RANGAP1: variants seen among roughly 807,000 people sequenced by gnomAD.
The protein encoded by RANGAP1 is ran GTPase-activating protein 1.
Under a neutral mutation model 63.5 loss-of-function variants are expected in RANGAP1, and 38 were observed. The ratio of observed to expected loss-of-function variants is 0.60; its 90% CI spans 0.46 to 0.78. The LOEUF is 0.78. Among genes scored for constraint, RANGAP1 ranks in the 30% least tolerant of loss-of-function variants. The pLI is 0.00. For synonymous variants in RANGAP1, 329 were observed against 310.5 expected, an observed-to-expected ratio of 1.06 and a Z score of -0.63; for missense variants, 630 against 740.3, an observed-to-expected ratio of 0.85 and a Z score of 1.73.
intron 2 of RANGAP1, among the ~76,000 whole-genome samples, chr22:41,280,209 C>T (rs1455990794): frequency 1.3e-5 from 2 of 152,214 alleles, no homozygotes; most frequent in African/African-American, 2.4e-5. Flanking sequence ...AAGCAGCCTC[C>T]GACCTGGAGA....
rs781134896 is a variant in RANGAP1, at chr22:41,254,362, C to A, written c.1206G>T (p.Gly402=). The A allele has an allele frequency of 3.2e-5, 51 of 1,614,096 alleles. No homozygotes were observed. Among genetic ancestry groups the A allele is most frequent in the Non-Finnish European group, 4.2e-5 (50 of 1,180,010 alleles). Residue 402 remains glycine (G), a synonymous_variant, in exon 11 of 16, where the codon GGG becomes GGT. Transcript: ENST00000356244. ...AGGGCGTGGCTGACTTCTCTCCCTG[C>A]CCTCGCTGCTGAGGCTCTTCTTCCT... is the stretch of plus-strand genomic sequence containing the variant. ...EEEEEEPQQR[G]QGEKSATPSR... is the part of the protein sequence containing the mutation.
intron 3 of RANGAP1, among the ~76,000 whole-genome samples, chr22:41,270,131 G>A (rs1044875905): frequency 4.0e-5 from 6 of 149,212 alleles, no homozygotes; most frequent in Admixed American, 1.3e-4. Context: ...CACCGTGCCC[G>A]GCCTATTTTA....
In RANGAP1 at chr22:41,286,023, C is replaced by G. The variant is rs1263564261; in HGVS notation, c.-76G>C. On this transcript the variant is annotated 5_prime_UTR_variant, in exon 1 of 16. Transcript: ENST00000356244. The stretch of plus-strand genomic sequence containing the variant: ...GCGCCGCCGCGTGGGGGGAATCGAG[C>G]GCGCGCCTCCGCCCTCTGGGGCGGG... 2 of 152,366 alleles carry G rather than the reference C, an allele frequency of 1.3e-5. No individual in the cohort carries two copies. The highest frequency in any genetic ancestry group is 2.4e-5 in the African/African-American group (1 of 41,466). The allele number at this position is 152,366 out of a possible 1,614,324, so 9.4% of individuals were successfully genotyped here. A position where few individuals can be genotyped will look rare whatever the true frequency, so the allele number is the denominator to read the frequency against.
chr22:41,267,677 G>A (rs1046886666), intron 4 of RANGAP1, among the ~76,000 whole-genome samples: 6 of 152,218 alleles, frequency 3.9e-5, no homozygotes, highest in Admixed American at 2.0e-4. Context: ...TACGGAGAAA[G>A]GGAGGAGCCA....
intron 15 of RANGAP1, among the ~76,000 whole-genome samples, chr22:41,247,436 C>T (rs567143697): frequency 3.9e-5 from 6 of 152,180 alleles, no homozygotes; most frequent in East Asian, 1.9e-4. Context: ...CCTGCATCCT[C>T]GACTTCCCAG....
intron 1 of RANGAP1, among the ~76,000 whole-genome samples, chr22:41,283,642 A>G (rs942666696): frequency 2.0e-5 from 3 of 152,214 alleles, no homozygotes; most frequent in African/African-American, 7.2e-5. Flanking sequence ...ATTCCTGCAA[A>G]GGGAATAGCA....
At chr22:41,277,335 C>A in intron 2 of RANGAP1, 1 of 463,534 alleles carries the variant, frequency 2.2e-6, no homozygotes, top group Non-Finnish European at 3.4e-6. Context: ...GCCTCGGCCT[C>A]CCAAACTGCT....
intron 5 of RANGAP1, among the ~76,000 whole-genome samples, chr22:41,263,847 C>T (rs1238425780): frequency 6.6e-6 from 1 of 152,274 alleles, no homozygotes; most frequent in African/African-American, 2.4e-5. Context: ...GCTCCTCAGC[C>T]TGGGGCTCCA....
chr22:41,258,935 G>A (rs1379910332), intron 6 of RANGAP1, among the ~76,000 whole-genome samples: 5 of 152,140 alleles, frequency 3.3e-5, no homozygotes, highest in African/African-American at 4.8e-5. Context: ...GATTACAGAC[G>A]TGAGATACCA....
Position 41,281,032 on chromosome 22 carries a change from C to A in RANGAP1, c.13G>T (p.Asp5Tyr). The A allele has an allele frequency of 6.2e-7, 1 of 1,604,114 alleles. No individual in the cohort carries two copies. Among genetic ancestry groups the A allele is most frequent in the Non-Finnish European group, 8.5e-7 (1 of 1,175,722 alleles). The stretch of plus-strand genomic sequence containing the variant: ...AGTGTCTCTGCCAGCTTGGCAATGT[C>A]TTCCGAGGCCATGTTGACTAGGCTG... MASE[D>Y]IAKLAETLAK... Residue 5 changes from aspartate (D) to tyrosine (Y), a missense_variant, in exon 2 of 16, where the codon GAC becomes TAC. Around this residue, in one of 3 missense-constraint regions of RANGAP1, gnomAD observed 65 missense variants for 60.5 expected, o/e 1.07. Transcript: ENST00000356244.
chr22:41,254,567 GA>G, intron 10 of RANGAP1, 73 bp from the exon 11 acceptor site: 1 of 1,505,498 alleles, frequency 6.6e-7, no homozygotes, highest in Non-Finnish European at 8.8e-7. Flanking sequence ...CTGGCTCCAT[GA>G]GCCCAGAGAC....
chr22:41,254,989 A>G (rs1296894661), intron 10 of RANGAP1, among the ~76,000 whole-genome samples: 2 of 151,634 alleles, frequency 1.3e-5, no homozygotes, highest in Non-Finnish European at 2.9e-5. Context: ...AAAACAAAAA[A>G]AAAAAACAAA....
chr22:41,271,745 C>T (rs1394497286), intron 3 of RANGAP1, among the ~76,000 whole-genome samples: 1 of 152,106 alleles, frequency 6.6e-6, no homozygotes, highest in East Asian at 1.9e-4. Context: ...CCTCAGCCTA[C>T]TCCTAGTTGT....
intron 6 of RANGAP1, 111 bp from the exon 7 acceptor site, chr22:41,258,217 G>C: frequency 8.1e-7 from 1 of 1,236,928 alleles, no homozygotes; most frequent in Non-Finnish European, 1.1e-6. Flanking sequence ...GCCAGCACAG[G>C]GCAGGGGCCT....
At chr22:41,296,329 G>T in the RANGAP1 span, among the ~76,000 whole-genome samples, 1 of 152,024 alleles carries the variant, frequency 6.6e-6, no homozygotes, top group East Asian at 1.9e-4. Context: ...TAAAAACACT[G>T]ATTATGAATT....
At chr22:41,295,160 G>A in the RANGAP1 span, among the ~76,000 whole-genome samples, 1 of 135,694 alleles carries the variant, frequency 7.4e-6, no homozygotes, top group Non-Finnish European at 1.5e-5. Context: ...GGGAAGTGAG[G>A]AGCCCCTCTG....
Position 41,280,934 on chromosome 22 carries a change from A to G in RANGAP1, c.111T>C (p.Asp37=), listed in dbSNP as rs757412279. The part of the protein sequence containing the change: ...GKSLKLNTAE[D]AKDVIKEIED... Reference sequence around the variant, plus strand: ...AGTGCACAACTTCCAGAAACTCACCATCTTCTGCAGTGTTGAGTTTGAGGC... The same window carrying G: ...AGTGCACAACTTCCAGAAACTCACCGTCTTCTGCAGTGTTGAGTTTGAGGC... Residue 37 remains aspartate (D), a splice_region_variant and synonymous_variant, in exon 2 of 16, where the codon GAT becomes GAC. Transcript: ENST00000356244. The G allele has an allele frequency of 5.6e-6, 9 of 1,613,778 alleles. No individual in the cohort carries two copies. Among genetic ancestry groups the G allele is most frequent in the Admixed American group, 1.7e-5 (1 of 60,000 alleles).
intron 5 of RANGAP1, among the ~76,000 whole-genome samples, chr22:41,262,120 CCTGT>C (rs1273892743): frequency 3.3e-5 from 5 of 152,190 alleles, no homozygotes; most frequent in Non-Finnish European, 5.9e-5. Context: ...TCCAGACGAA[CCTGT>C]CTGACACCTG....
At chr22:41,283,227 G>GTT (rs1446966761) in intron 1 of RANGAP1, among the ~76,000 whole-genome samples, 49 of 58,028 alleles carry the variant, frequency 8.4e-4, no homozygotes, top group Admixed American at 1.7e-3. Flanking sequence ...GGGGGGTTGG[G>GTT]GGGCCGGGAG....
Sources: allele counts gnomAD v4.1 joint callset (sites outside exome capture counted in the v4.1 genomes callset), GRCh38; gene constraint gnomAD v4.1.1; regional missense constraint gnomAD v4.1.1; transcripts MANE v1.5; gene names NCBI Gene and HGNC (gene_info 2026-07-23, HGNC 2026-07-21).